The following AGBL1 variants were observed in gnomAD, a reference collection of about 807,000 sequenced individuals.
The protein encoded by AGBL1 is AGBL carboxypeptidase 1.
AGBL1 carries 130 observed loss-of-function variants against 118.9 expected under a neutral mutation model. The ratio of observed to expected loss-of-function variants is 1.09; its 90% CI spans 0.95 to 1.26. The LOEUF (loss-of-function observed/expected upper bound fraction) is 1.26. AGBL1 is among the 50% of genes most tolerant of loss of function. The pLI is 0.00. For synonymous variants in AGBL1, 555 were observed against 478.9 expected (o/e 1.16, Z -2.08); for missense variants, 1,584 against 1,298.1 (o/e 1.22, Z -3.38).
intron 5 of AGBL1, among the ~76,000 whole-genome samples, chr15:86,216,229 CATTTATTTATTT>C (rs56843379): frequency 6.6e-5 from 10 of 150,674 alleles, no homozygotes; most frequent in East Asian, 2.0e-4. Flanking sequence ...AACTACATGC[CATTTATTTATTT>C]ATTTATTTAT....
intron 22 of AGBL1, among the ~76,000 whole-genome samples, chr15:86,859,796 C>A (rs141368903): frequency 7.9e-4 from 120 of 152,204 alleles, no homozygotes; most frequent in African/African-American, 2.7e-3. Context: ...ACCTCAACAC[C>A]TTGGTATTCT....
intron 21 of AGBL1, among the ~76,000 whole-genome samples, chr15:86,606,524 A>G (rs2084579932): frequency 1.3e-5 from 2 of 152,194 alleles, no homozygotes; most frequent in Admixed American, 1.3e-4. Flanking sequence ...AATAGAATTT[A>G]ATCTGCTTTT....
intron 22 of AGBL1, among the ~76,000 whole-genome samples, chr15:86,768,602 A>C (rs57291951): frequency 0.037 from 5,620 of 152,004 alleles, 386 homozygotes; most frequent in African/African-American, 0.13. Context: ...AATTTCAGCA[A>C]CGTAGGGAAG....
intron 5 of AGBL1, among the ~76,000 whole-genome samples, chr15:86,194,977 G>A (rs746097880): frequency 1.3e-5 from 2 of 152,110 alleles, no homozygotes; most frequent in Non-Finnish European, 2.9e-5. Flanking sequence ...TTTTATGATG[G>A]GTATAAATTC....
At chr15:86,237,023 T>A (rs914162278) in intron 6 of AGBL1, among the ~76,000 whole-genome samples, 1 of 149,562 alleles carries the variant, frequency 6.7e-6, no homozygotes, top group Non-Finnish European at 1.5e-5. Context: ...CAGTTTCTAA[T>A]GGTGGACTCA....
intron 24 of AGBL1, among the ~76,000 whole-genome samples, chr15:86,993,159 T>A (rs892405254): frequency 1.3e-5 from 2 of 152,232 alleles, no homozygotes. Context: ...AAGGAAAGTA[T>A]AATAAACTGC....
chr15:86,903,968 T>C (rs2080246568), intron 22 of AGBL1, among the ~76,000 whole-genome samples: 1 of 135,130 alleles, frequency 7.4e-6, no homozygotes, highest in South Asian at 2.3e-4. Context: ...ATAAAAGTCT[T>C]GGCTCCCGCA....
chr15:86,921,253 A>G (rs1596636542), intron 23 of AGBL1, among the ~76,000 whole-genome samples: 1 of 152,152 alleles, frequency 6.6e-6, no homozygotes, highest in African/African-American at 2.4e-5. Flanking sequence ...AGGAATGGTG[A>G]GTTCCAGCCT....
chr15:86,178,198 A>G (rs2141779444), intron 5 of AGBL1, among the ~76,000 whole-genome samples: 1 of 152,322 alleles, frequency 6.6e-6, no homozygotes, highest in East Asian at 1.9e-4. Flanking sequence ...CCGTAATCCC[A>G]GCTACGTGGG....
At chr15:86,464,363 T>C (rs1326894058) in intron 18 of AGBL1, among the ~76,000 whole-genome samples, 1 of 152,208 alleles carries the variant, frequency 6.6e-6, no homozygotes, top group African/African-American at 2.4e-5. Context: ...GTTTTCTAAA[T>C]ATACAATAAT....
At chr15:86,756,338 A>G (rs1042157289) in intron 22 of AGBL1, among the ~76,000 whole-genome samples, 2 of 151,740 alleles carry the variant, frequency 1.3e-5, no homozygotes, top group African/African-American at 2.4e-5. Flanking sequence ...TCCCTTTTCT[A>G]GAGTCCATTT....
At chr15:86,302,221 T>C (rs1416684098) in intron 17 of AGBL1, among the ~76,000 whole-genome samples, 1 of 152,166 alleles carries the variant, frequency 6.6e-6, no homozygotes, top group Non-Finnish European at 1.5e-5. Context: ...GTTGAATAGC[T>C]TGGCTAACAC....
chr15:86,539,228 T>A (rs1434651735), intron 19 of AGBL1, among the ~76,000 whole-genome samples: 1 of 152,238 alleles, frequency 6.6e-6, no homozygotes, highest in Non-Finnish European at 1.5e-5. Context: ...TTTCTTCCTA[T>A]GTTCCTTGCC....
intron 22 of AGBL1, among the ~76,000 whole-genome samples, chr15:86,844,853 A>C (rs2079297122): frequency 6.6e-6 from 1 of 152,086 alleles, no homozygotes; most frequent in Non-Finnish European, 1.5e-5. Flanking sequence ...ATGTTCTATG[A>C]GTCAATTTAT....
chr15:86,854,064 C>T (rs754115557), intron 22 of AGBL1, among the ~76,000 whole-genome samples: 13 of 152,126 alleles, frequency 8.5e-5, no homozygotes, highest in Non-Finnish European at 1.6e-4. Context: ...TCTGAAATGG[C>T]ACTGAGAGAG....
At chr15:86,269,756 A>G (rs1044219316) in intron 13 of AGBL1, among the ~76,000 whole-genome samples, 163 bp from the exon 14 acceptor site, 6 of 152,198 alleles carry the variant, frequency 3.9e-5, no homozygotes, top group African/African-American at 1.4e-4. Context: ...CAAAATCTGT[A>G]CCCAATATTG....
chr15:86,255,506 G>A (rs370866359), intron 7 of AGBL1, among the ~76,000 whole-genome samples: 3 of 152,204 alleles, frequency 2.0e-5, no homozygotes, highest in East Asian at 1.9e-4. Context: ...TTAAGGCTGG[G>A]CGTGGTAGCT....
chr15:86,692,762 A>C (rs1164229355), intron 22 of AGBL1, among the ~76,000 whole-genome samples: 1 of 152,082 alleles, frequency 6.6e-6, no homozygotes, highest in Admixed American at 6.6e-5. Context: ...CATCCCCCTC[A>C]CACCATTTCT....
chr15:86,919,233 C>T (rs2080460292), downstream of AGBL1, among the ~76,000 whole-genome samples: 1 of 152,180 alleles, frequency 6.6e-6, no homozygotes, highest in African/African-American at 2.4e-5. Context: ...GCCCCTTCAA[C>T]AAGACCGCTT....
Sources: gnomAD v4.1 joint callset for allele counts (sites outside exome capture counted in the v4.1 genomes callset) on GRCh38, gnomAD v4.1.1 for gene constraint, MANE v1.5 for transcripts, NCBI Gene and HGNC (gene_info 2026-07-23, HGNC 2026-07-21) for gene names.